The following ZFHX3 variants were observed in gnomAD, a reference collection of about 807,000 sequenced individuals.
ZFHX3 encodes zinc finger homeobox 3.
ZFHX3 carries 42 observed loss-of-function variants against 279.1 expected under a neutral mutation model. That is an observed-to-expected ratio of 0.15 (90% confidence interval 0.12 to 0.19). ZFHX3 has a LOEUF of 0.19. ZFHX3 is among the 10% of genes least tolerant of loss of function. ZFHX3 has a pLI of 1.00. For synonymous variants in ZFHX3, 2,293 were observed against 1,957.8 expected, an observed-to-expected ratio of 1.17 and a Z score of -4.52; for missense variants, 4,981 against 4,754.0, an observed-to-expected ratio of 1.05 and a Z score of -1.40.
chr16:73,352,474 C>CTTTTTTTTTTTTTTTT, intron 3 of ZFHX3, among the ~76,000 whole-genome samples: 1 of 53,256 alleles, frequency 1.9e-5, no homozygotes, highest in Non-Finnish European at 3.4e-5. Flanking sequence ...CTCTCTCTCT[C>CTTTTTTTTTTTTTTTT]TTTTTTTTTT....
chr16:73,559,342 C>T (rs1340577145), intron 2 of ZFHX3, among the ~76,000 whole-genome samples: 1 of 152,102 alleles, frequency 6.6e-6, no homozygotes, highest in East Asian at 1.9e-4. Context: ...GCCACCACAC[C>T]CCGTCTCCCA....
intron 1 of ZFHX3, among the ~76,000 whole-genome samples, chr16:73,728,024 C>CCCG (rs1567563310): frequency 8.7e-6 from 1 of 114,538 alleles, no homozygotes; most frequent in African/African-American, 3.2e-5. Context: ...TGCCCCCCCC[C>CCCG]CGCCCCCAAT....
chr16:73,754,719 A>T (rs2053792329), intron 1 of ZFHX3, among the ~76,000 whole-genome samples: 1 of 152,104 alleles, frequency 6.6e-6, no homozygotes, highest in African/African-American at 2.4e-5. Flanking sequence ...TCTACACATT[A>T]TTTGTTTCAG....
chr16:72,934,355 G>A (rs1170954600), intron 3 of ZFHX3, among the ~76,000 whole-genome samples: 2 of 152,166 alleles, frequency 1.3e-5, no homozygotes, highest in African/African-American at 2.4e-5. Context: ...TTGAACCCGG[G>A]AGGCGAAGCT....
At position 72,839,623 on chromosome 16, in the gene ZFHX3, A is replaced by C. The variant is rs145277137; in HGVS notation, c.3449-9764T>G. On this transcript the variant is annotated intron_variant, in intron 4 of 9. Transcript: ENST00000268489. ...TGTCTTAAAGACAGAAAATTTGATA[A>C]AGCCCCACCCCCCCCAAAAAAAAGC... 1.7e-3 allele frequency among the ~76,000 whole-genome samples: 253 copies of C among 152,200 alleles called. 4 individuals carry two copies. The highest frequency in any genetic ancestry group is 8.7e-3 in the Admixed American group (133 of 15,286).
intron 2 of ZFHX3, among the ~76,000 whole-genome samples, chr16:73,602,341 T>C (rs1182017998): frequency 6.6e-6 from 1 of 152,178 alleles, no homozygotes; most frequent in Non-Finnish European, 1.5e-5. Context: ...TGAGACCGTA[T>C]GAATACTACA....
intron 1 of ZFHX3, among the ~76,000 whole-genome samples, chr16:73,797,086 C>A (rs1960015878): frequency 1.3e-5 from 2 of 151,898 alleles, no homozygotes; most frequent in African/African-American, 4.8e-5. Context: ...GCCTGTAATC[C>A]CAAGTGCTTG....
chr16:73,376,388 T>C (rs1029335013), intron 3 of ZFHX3, among the ~76,000 whole-genome samples: 6 of 152,218 alleles, frequency 3.9e-5, no homozygotes, highest in African/African-American at 1.4e-4. Context: ...GACCATTTTC[T>C]CTCTCTGACC....
chr16:72,894,067 T>C (rs1567569618), intron 3 of ZFHX3, among the ~76,000 whole-genome samples: 1 of 151,210 alleles, frequency 6.6e-6, no homozygotes, highest in Non-Finnish European at 1.5e-5. Context: ...GAAAATCGCT[T>C]GAACCTGGGA....
chr16:73,172,599 C>T (rs1404380298), intron 5 of ZFHX3, among the ~76,000 whole-genome samples: 2 of 152,124 alleles, frequency 1.3e-5, no homozygotes, highest in East Asian at 3.8e-4. Context: ...CTCTATAGAG[C>T]GTGGGGGCTG....
At chr16:73,344,320 AC>A in intron 3 of ZFHX3, among the ~76,000 whole-genome samples, 1 of 152,336 alleles carries the variant, frequency 6.6e-6, no homozygotes, top group East Asian at 1.9e-4. Flanking sequence ...AAATTGAGTA[AC>A]CTTCTACAAA....
At chr16:73,537,551 C>T (rs987819304) in intron 2 of ZFHX3, among the ~76,000 whole-genome samples, 2 of 152,116 alleles carry the variant, frequency 1.3e-5, no homozygotes, top group South Asian at 2.1e-4. Flanking sequence ...CTTCTGACCT[C>T]GTGATTCACC....
At chr16:72,884,475 G>T (rs2038573464) in intron 4 of ZFHX3, among the ~76,000 whole-genome samples, 1 of 152,198 alleles carries the variant, frequency 6.6e-6, no homozygotes, top group African/African-American at 2.4e-5. Flanking sequence ...GAGGAGATCA[G>T]TGATCAGCTA....
chr16:72,867,840 C>T (rs1415661341), intron 4 of ZFHX3, among the ~76,000 whole-genome samples: 3 of 152,128 alleles, frequency 2.0e-5, no homozygotes, highest in Admixed American at 6.5e-5. Flanking sequence ...CCAGTTGAGT[C>T]GGTTTTTCTG....
intron 2 of ZFHX3, among the ~76,000 whole-genome samples, chr16:73,475,543 A>G (rs979397748): frequency 6.6e-6 from 1 of 152,100 alleles, no homozygotes. Flanking sequence ...GTTGCATATC[A>G]TATACTCTTC....
intron 2 of ZFHX3, among the ~76,000 whole-genome samples, chr16:73,648,498 T>C (rs2052641264): frequency 6.6e-6 from 1 of 152,216 alleles, no homozygotes; most frequent in Admixed American, 6.5e-5. Context: ...CAAGTGATTC[T>C]CCTGCTTCAG....
intron 5 of ZFHX3, among the ~76,000 whole-genome samples, chr16:73,145,773 T>C (rs1966860325): frequency 6.6e-6 from 1 of 152,202 alleles, no homozygotes; most frequent in Admixed American, 6.5e-5. Context: ...CCTCGTATTG[T>C]CTGTTGAATG....
chr16:73,087,038 T>G (rs906812050), intron 8 of ZFHX3, among the ~76,000 whole-genome samples: 7 of 152,210 alleles, frequency 4.6e-5, no homozygotes, highest in African/African-American at 9.6e-5. Context: ...ATGAGATCAT[T>G]ACCCATTGTT....
At chr16:72,937,405 G>A (rs150722523) in intron 3 of ZFHX3, among the ~76,000 whole-genome samples, 28 of 152,300 alleles carry the variant, frequency 1.8e-4, no homozygotes, top group African/African-American at 5.8e-4. Context: ...TGAAAGGTCC[G>A]GCGAATTAGG....
Sources: gnomAD v4.1 joint callset for allele counts (sites outside exome capture counted in the v4.1 genomes callset) on GRCh38, gnomAD v4.1.1 for gene constraint, MANE v1.5 for transcripts, NCBI Gene and HGNC (gene_info 2026-07-23, HGNC 2026-07-21) for gene names.